USP7: variants seen among roughly 807,000 people sequenced by gnomAD.
The protein encoded by USP7 is ubiquitin C-terminal hydrolase 7.
USP7 carries 9 observed loss-of-function variants against 162.9 expected under a neutral mutation model. That is an observed-to-expected ratio of 0.06 (90% CI 0.03 to 0.10). The LOEUF is 0.10. Among genes scored for constraint, USP7 ranks in the 10% least tolerant of loss-of-function variants. USP7 has a pLI of 1.00. For synonymous variants in USP7, 562 were observed against 475.9 expected, an observed-to-expected ratio of 1.18 and a Z score of -2.35; for missense variants, 715 against 1,373.7, an observed-to-expected ratio of 0.52 and a Z score of 7.58.
At chr16:8,963,001 G>T (rs1900081927) in intron 1 of USP7, 1 of 276,464 alleles carries the variant, frequency 3.6e-6, no homozygotes, top group South Asian at 1.6e-4. Context: ...CAATGCACGG[G>T]GCCGGGGTCC....
intron 1 of USP7, among the ~76,000 whole-genome samples, chr16:8,953,076 C>A (rs749018741): frequency 3.2e-4 from 48 of 152,114 alleles, no homozygotes; most frequent in Non-Finnish European, 5.3e-4. Flanking sequence ...ACCTCGTAAT[C>A]TGTCGCCTTG....
At chr16:8,915,126 G>T in intron 10 of USP7, 128 bp downstream of exon 10, 2 of 895,558 alleles carry the variant, frequency 2.2e-6, no homozygotes, top group Non-Finnish European at 3.3e-6. Flanking sequence ...CCAGTGAGCT[G>T]TTTGCTTAAG....
intron 14 of USP7, 75 bp downstream of exon 14, chr16:8,905,112 G>C: frequency 2.0e-6 from 3 of 1,537,716 alleles, no homozygotes; most frequent in Non-Finnish European, 2.7e-6. Flanking sequence ...GGACAGAAAA[G>C]GATATTGGAG....
At chr16:8,963,164 A>C in intron 1 of USP7, 43 bp downstream of exon 1, 1 of 1,373,140 alleles carries the variant, frequency 7.3e-7, no homozygotes. Context: ...GCCACAATGA[A>C]AGGCGCCCCC....
chr16:8,897,082 T>G lies in USP7; in HGVS notation c.2736A>C (p.Pro912=). Residue 912 remains proline, a synonymous_variant, in exon 26 of 31, where the codon CCA becomes CCC. Coordinates refer to ENST00000344836, the MANE Select transcript of USP7 (RefSeq NM_003470.3). ...GGTCCCGGACACACCCATGCTTGTC[T>G]GGATATAGTGTTATTTCCTAAGTAA... The part of the protein sequence containing the change: ...QFREEEITLY[P]DKHGCVRDLL... 1 of 1,613,446 alleles carries G rather than the reference T, an allele frequency of 6.2e-7. No homozygotes were observed. Among genetic ancestry groups the G allele is most frequent in the Non-Finnish European group, 8.5e-7 (1 of 1,179,376 alleles).
intron 2 of USP7, among the ~76,000 whole-genome samples, chr16:8,929,103 T>C (rs1275732416): frequency 1.3e-5 from 2 of 151,598 alleles, no homozygotes; most frequent in Non-Finnish European, 2.9e-5. Flanking sequence ...CTGTGGGAAC[T>C]AGACCCGGAA....
chr16:8,927,075 G>A (rs1898044280), intron 2 of USP7, among the ~76,000 whole-genome samples: 1 of 152,206 alleles, frequency 6.6e-6, no homozygotes, highest in Non-Finnish European at 1.5e-5. Flanking sequence ...AGCACTCTGG[G>A]AGGCCGGGGT....
chr16:8,954,133 C>A (rs12928761), intron 1 of USP7, among the ~76,000 whole-genome samples: 3 of 26,354 alleles, frequency 1.1e-4, no homozygotes, highest in Non-Finnish European at 7.6e-5. Context: ...CACGTGCCCC[C>A]TGCGGCGCCA....
chr16:8,938,638 G>T (rs1898886967), intron 1 of USP7, among the ~76,000 whole-genome samples: 1 of 151,734 alleles, frequency 6.6e-6, no homozygotes, highest in African/African-American at 2.4e-5. Flanking sequence ...CATGAACCTG[G>T]GAAGCAGAGT....
chr16:8,944,673 C>CTA (rs1316241093), intron 1 of USP7, among the ~76,000 whole-genome samples: 1 of 152,180 alleles, frequency 6.6e-6, no homozygotes, highest in East Asian at 1.9e-4. Flanking sequence ...GGCTGCCAGT[C>CTA]TACTCTAGGC....
chr16:8,898,490 T>C, intron 24 of USP7, 41 bp downstream of exon 24: 1 of 1,604,626 alleles, frequency 6.2e-7, no homozygotes, highest in South Asian at 1.1e-5. Flanking sequence ...ACCCCGAGCC[T>C]TCTCTTTATG....
In USP7 at chr16:8,963,379, C is replaced by G; in HGVS notation, c.-94G>C. 1 of 287,624 alleles carries G rather than the reference C, an allele frequency of 3.5e-6. No individual in the cohort carries two copies. Among genetic ancestry groups the G allele is most frequent in the Non-Finnish European group, 5.1e-6 (1 of 196,998 alleles). The allele number at this position is 287,624 out of a possible 1,614,324, so 17.8% of individuals were successfully genotyped here. ...CGAGCCGGGGCGGCGGCGGCGGCGG[C>G]GGCGGCGGGGCGGCCTCCTCCTCCT... On this transcript the variant is annotated 5_prime_UTR_variant, in exon 1 of 31. Coordinates refer to ENST00000344836, the MANE Select transcript of USP7 (RefSeq NM_003470.3).
At chr16:8,931,635 G>A (rs1237901692) in intron 1 of USP7, among the ~76,000 whole-genome samples, 3 of 152,140 alleles carry the variant, frequency 2.0e-5, no homozygotes, top group African/African-American at 7.2e-5. Flanking sequence ...ACTCAAGTTC[G>A]GATTCAAAAC....
At chr16:8,917,708 TACAGAAAA>T in intron 6 of USP7, among the ~76,000 whole-genome samples, 1 of 151,826 alleles carries the variant, frequency 6.6e-6, no homozygotes, top group Non-Finnish European at 1.5e-5. Flanking sequence ...AAAAAGATAA[TACAGAAAA>T]AGTAAACAAA....
chr16:8,954,401 C>T (rs890390593), intron 1 of USP7, among the ~76,000 whole-genome samples: 1 of 152,220 alleles, frequency 6.6e-6, no homozygotes, highest in East Asian at 1.9e-4. Flanking sequence ...CTAAACAGAG[C>T]ATGAGGTAGC....
Position 8,950,810 on chromosome 16 carries a change from C to T in USP7, c.79+12397G>A, listed in dbSNP as rs190062966. On this transcript the variant is annotated intron_variant, in intron 1 of 30. Transcript: ENST00000344836. The stretch of plus-strand genomic sequence containing the variant: ...TCTTCCCCAGGCACTGACCAGCGCA[C>T]GACAGTGATCTGAGCGGGCACTATT... 1.5e-3 allele frequency among the ~76,000 whole-genome samples: 233 copies of T among 152,346 alleles called. 3 individuals carry two copies. Among genetic ancestry groups the T allele is most frequent in the South Asian group, 5.4e-3 (26 of 4,832 alleles).
chr16:8,938,832 A>G (rs1043862460), intron 1 of USP7, among the ~76,000 whole-genome samples: 12 of 152,152 alleles, frequency 7.9e-5, no homozygotes, highest in East Asian at 5.8e-4. Flanking sequence ...ACTGTATTAG[A>G]TATTATAAGC....
Position 8,894,835 on chromosome 16 carries a change from C to T in USP7, c.3060G>A (p.Val1020=). 1.2e-6 allele frequency: 2 copies of T among 1,614,212 alleles called. No individual in the cohort carries two copies. The highest frequency in any genetic ancestry group is 1.7e-6 in the Non-Finnish European group (2 of 1,180,052). ...RIHQGEHFRE[V]MKRIQSLLDI... is the part of the protein sequence containing the mutation. ...CCAGCAGGCTCTGGATTCGCTTCAT[C>T]ACTTCTCGAAAATGCTCGCCCTAGA... Residue 1020 remains valine, a synonymous_variant, in exon 29 of 31, where the codon GTG becomes GTA. Transcript: ENST00000344836.
At chr16:8,934,108 C>T (rs1898541700) in intron 1 of USP7, among the ~76,000 whole-genome samples, 1 of 152,144 alleles carries the variant, frequency 6.6e-6, no homozygotes, top group African/African-American at 2.4e-5. Context: ...CTTTTAACTT[C>T]CTTGGTTCAA....
Sources: allele counts gnomAD v4.1 joint callset (sites outside exome capture counted in the v4.1 genomes callset), GRCh38; gene constraint gnomAD v4.1.1; transcripts MANE v1.5; gene names NCBI Gene and HGNC (gene_info 2026-07-23, HGNC 2026-07-21).